ZSCAN16: variants seen among roughly 807,000 people sequenced by gnomAD.
The protein encoded by ZSCAN16 is zinc finger and SCAN domain containing 16.
In ZSCAN16, 15 loss-of-function variants were observed where a neutral mutation model predicts 19.4. That is an observed-to-expected ratio of 0.77 (90% CI 0.52 to 1.19). The LOEUF is 1.19. Among genes scored for constraint, ZSCAN16 ranks in the 50% most tolerant of loss-of-function variants. The pLI is 0.00. For synonymous variants in ZSCAN16, 138 were observed against 146.5 expected, an observed-to-expected ratio of 0.94 and a Z score of 0.42; for missense variants, 327 against 415.7, an observed-to-expected ratio of 0.79 and a Z score of 1.86.
chr6:28,129,531 A>T lies in ZSCAN16; in HGVS notation c.628A>T (p.Thr210Ser). 6.2e-7 allele frequency: 1 copy of T among 1,614,172 alleles called. No individual in the cohort carries two copies. The highest frequency in any genetic ancestry group is 8.5e-7 in the Non-Finnish European group (1 of 1,180,016). Residue 210 changes from threonine to serine, a missense_variant, in exon 4 of 4, where the codon ACT becomes TCT. Thr to Ser is a moderately conservative substitution (Grantham distance 58). Transcript: ENST00000340487. Reference sequence around the variant, plus strand: ...GATAAATGACAGACTGAACAAAGATACTCCTCAGCATCCTAAGTCCAAAGA... The same window carrying T: ...GATAAATGACAGACTGAACAAAGATTCTCCTCAGCATCCTAAGTCCAAAGA... ...GEINDRLNKD[T>S]PQHPKSKDII...
chr6:28,129,217 TCTTC>T (rs1359997698), intron 3 of ZSCAN16, among the ~76,000 whole-genome samples: 4 of 152,250 alleles, frequency 2.6e-5, no homozygotes, highest in African/African-American at 9.6e-5. Context: ...TCTGCTGATA[TCTTC>T]CTTAATTCTT....
At chr6:28,126,461 T>C (rs906943394) in intron 2 of ZSCAN16, among the ~76,000 whole-genome samples, 11 of 152,244 alleles carry the variant, frequency 7.2e-5, no homozygotes, top group Non-Finnish European at 1.6e-4. Context: ...GTGACTACCA[T>C]ATCGGATAGC....
chr6:28,128,589 A>G (rs1243455725), intron 3 of ZSCAN16, among the ~76,000 whole-genome samples: 3 of 152,228 alleles, frequency 2.0e-5, no homozygotes, highest in African/African-American at 7.2e-5. Flanking sequence ...GGTGAAAAAA[A>G]ATAGCATCAG....
intron 1 of ZSCAN16, among the ~76,000 whole-genome samples, chr6:28,124,904 C>T (rs1463898600): frequency 6.6e-6 from 1 of 152,208 alleles, no homozygotes; most frequent in Non-Finnish European, 1.5e-5. Context: ...TCTGTCTGAT[C>T]CCCTTCCAGG....
intron 3 of ZSCAN16, 120 bp from the exon 4 acceptor site, chr6:28,129,310 G>A: frequency 8.1e-7 from 1 of 1,239,632 alleles, no homozygotes. Flanking sequence ...TATGTGTGTT[G>A]TATGTGACTT....
intron 3 of ZSCAN16, 151 bp downstream of exon 3, chr6:28,127,072 A>T (rs1047658531): frequency 4.5e-5 from 29 of 637,928 alleles, no homozygotes; most frequent in Non-Finnish European, 5.4e-5. Context: ...CCCTTGCTCC[A>T]TGATGGAGTT....
chr6:28,125,954 T>G lies in ZSCAN16; in HGVS notation c.387+124T>G. On this transcript the variant is annotated intron_variant, in intron 2 of 3. Coordinates refer to ENST00000340487, the MANE Select transcript of ZSCAN16 (RefSeq NM_025231.3). This position sits in a 1 kb window ranked among gnomAD's most constrained non-coding sequence, Gnocchi z 6.2. ...AAAGAACAAGGCATAGGAAGGGACC[T>G]GACTACCTATGTCAAATAATTAAAG... 1 of 711,010 alleles carries G rather than the reference T, an allele frequency of 1.4e-6. No individual in the cohort carries two copies. Among genetic ancestry groups the G allele is most frequent in the Non-Finnish European group, 2.3e-6 (1 of 438,018 alleles). The allele number at this position is 711,010 out of a possible 1,614,324, so 44.0% of individuals were successfully genotyped here.
chr6:28,126,871 A>G lies in ZSCAN16; in HGVS notation c.476A>G (p.His159Arg). Residue 159 changes from histidine to arginine, a missense_variant, in exon 3 of 4, where the codon CAT (histidine) becomes CGT (arginine). Transcript: ENST00000340487. ...TATGAATCACTGACTGTCCAGCTCC[A>G]TCCCAAAAAGACCCAGCTGGAGCAG... Reference protein sequence around the residue: ...RPYESLTVQLHPKKTQLEQEA... With the variant: ...RPYESLTVQLRPKKTQLEQEA... 1.3e-6 allele frequency: 2 copies of G among 1,586,936 alleles called. No homozygotes were observed. The highest frequency in any genetic ancestry group is 1.7e-6 in the Non-Finnish European group (2 of 1,162,204).
At position 28,126,823 on chromosome 6, in the gene ZSCAN16, A is replaced by C; in HGVS notation, c.428A>C (p.Lys143Thr). 1.3e-6 allele frequency: 2 copies of C among 1,584,888 alleles called. No individual in the cohort carries two copies. The highest frequency in any genetic ancestry group is 1.1e-5 in the South Asian group (1 of 87,396). Residue 143 changes from lysine to threonine, a missense_variant, in exon 3 of 4, where the codon AAG (lysine) becomes ACG (threonine). Lys to Thr is a moderately conservative substitution (Grantham distance 78). Transcript: ENST00000340487. ...NSERRDILMDKLAPLGRPYES... is the reference protein window; with the variant it reads ...NSERRDILMDTLAPLGRPYES... ...GAAAGACGGGACATACTCATGGACA[A>C]GTTGGCCCCCTTGGGAAGGCCATAT...
intron 2 of ZSCAN16, 149 bp from the exon 3 acceptor site, chr6:28,126,634 G>T: frequency 2.0e-6 from 1 of 507,012 alleles, no homozygotes; most frequent in Non-Finnish European, 3.2e-6. Context: ...ATTAGCCTCT[G>T]TTCCTTCTCC....
chr6:28,129,860 C>G lies in ZSCAN16; in HGVS notation c.957C>G (p.Pro319=). Residue 319 remains proline (P), a synonymous_variant, in exon 4 of 4, where the codon CCC becomes CCG. Coordinates refer to ENST00000340487, the MANE Select transcript of ZSCAN16 (RefSeq NM_025231.3). ...AGAGAATCCACACAGGTGAAAAACC[C>G]TATGAATGTGATGAGTGTGGAAGGC... ...QHQRIHTGEK[P]YECDECGRPF... 2 of 1,614,182 alleles carry G rather than the reference C, an allele frequency of 1.2e-6. No individual in the cohort carries two copies.
rs1357455700 is a variant in ZSCAN16 at position 28,125,847 on chromosome 6, A to T, written c.387+17A>T. On this transcript the variant is annotated intron_variant, in intron 2 of 3. Coordinates refer to ENST00000340487, the MANE Select transcript of ZSCAN16 (RefSeq NM_025231.3). The surrounding 1 kb of genome is among the most constrained non-coding windows in gnomAD (Gnocchi z 6.2). The stretch of plus-strand genomic sequence containing the variant: ...GGAAAGCAGGTGTGAAGGGGCAGTC[A>T]TCTGGCTGTGAGTGATCAGGGGATA... The T allele has an allele frequency of 1.9e-6, 3 of 1,570,534 alleles. No individual in the cohort carries two copies. Among genetic ancestry groups the T allele is most frequent in the Non-Finnish European group, 1.7e-6 (2 of 1,155,364 alleles).
chr6:28,130,060 T>A lies in ZSCAN16; in HGVS notation c.*110T>A. On this transcript the variant is annotated 3_prime_UTR_variant, in exon 4 of 4. Transcript: ENST00000340487. ...AATGTGGTCAAAGCTTCAGTCATCATTAAACTTCTCTGGACCAAAGAATCT... is the reference window on the plus strand; with the variant it reads ...AATGTGGTCAAAGCTTCAGTCATCAATAAACTTCTCTGGACCAAAGAATCT... The A allele has an allele frequency of 1.2e-6, 1 of 844,720 alleles. No homozygotes were observed. Among genetic ancestry groups the A allele is most frequent in the Non-Finnish European group, 1.8e-6 (1 of 560,074 alleles). The allele number at this position is 844,720 out of a possible 1,614,324, so 52.3% of individuals were successfully genotyped here.
chr6:28,125,608 C>T lies in ZSCAN16; in HGVS notation c.165C>T (p.Pro55=), dbSNP rs1284205546. ...RKLCYQDAPG[P]REALTQLWEL... The stretch of plus-strand genomic sequence containing the variant: ...TCTGCTATCAGGATGCACCTGGACC[C>T]CGTGAAGCTCTTACCCAGCTGTGGG... The change falls in exon 2 of 4, where the codon CCC becomes CCT. Residue 55 remains proline, a synonymous_variant. Coordinates refer to ENST00000340487, the MANE Select transcript of ZSCAN16 (RefSeq NM_025231.3). This position sits in a 1 kb window ranked among gnomAD's most constrained non-coding sequence, Gnocchi z 6.2. 1.2e-6 allele frequency: 2 copies of T among 1,614,224 alleles called. No individual in the cohort carries two copies. Among genetic ancestry groups the T allele is most frequent in the Admixed American group, 3.3e-5 (2 of 60,030 alleles).
chr6:28,126,219 G>T (rs944845324), intron 2 of ZSCAN16, among the ~76,000 whole-genome samples: 4 of 151,788 alleles, frequency 2.6e-5, no homozygotes, highest in African/African-American at 9.7e-5. Context: ...CTGTCCAACA[G>T]AAATATAATG....
intron 3 of ZSCAN16, among the ~76,000 whole-genome samples, chr6:28,129,122 G>A (rs1255251641): frequency 6.6e-6 from 1 of 151,902 alleles, no homozygotes; most frequent in Non-Finnish European, 1.5e-5. Context: ...TCATTTATCC[G>A]TCTTCCCTTA....
rs1488837247 is a variant in ZSCAN16 at position 28,129,845 on chromosome 6, C to A, written c.942C>A (p.His314Gln). ...RTGLIQHQRI[H>Q]TGEKPYECDE... Reference sequence around the variant, plus strand: ...GTCTTATTCAGCATCAGAGAATCCACACAGGTGAAAAACCCTATGAATGTG... The same window carrying A: ...GTCTTATTCAGCATCAGAGAATCCAAACAGGTGAAAAACCCTATGAATGTG... The change falls in exon 4 of 4, where the codon CAC becomes CAA. Residue 314 changes from histidine to glutamine, a missense_variant. Coordinates refer to ENST00000340487, the MANE Select transcript of ZSCAN16 (RefSeq NM_025231.3). The A allele has an allele frequency of 1.9e-6, 3 of 1,614,180 alleles. No individual in the cohort carries two copies. The highest frequency in any genetic ancestry group is 2.2e-5 in the South Asian group (2 of 91,078).
In ZSCAN16 at chr6:28,129,343, A is replaced by G. The variant is rs187050704; in HGVS notation, c.527-87A>G. On this transcript the variant is annotated intron_variant, in intron 3 of 3. Transcript: ENST00000340487. ...CTTCTCATTATTTTATAACACATTT[A>G]TAACATTTACATGTTCTTTCTTCCA... is the stretch of plus-strand genomic sequence containing the variant. 3.6e-3 allele frequency: 5,370 copies of G among 1,472,708 alleles called. 18 individuals are homozygous for G. The highest frequency in any genetic ancestry group is 7.8e-3 in the Admixed American group (331 of 42,652). 91.2% of individuals were successfully genotyped at this position (1,472,708 alleles called of 1,614,324 possible).
intron 3 of ZSCAN16, among the ~76,000 whole-genome samples, chr6:28,127,252 G>A (rs138913092): frequency 6.7e-4 from 102 of 152,268 alleles, no homozygotes; most frequent in East Asian, 3.3e-3. Flanking sequence ...ATTAGTCAGC[G>A]AGGCCTGTCA....
Sources: allele counts gnomAD v4.1 joint callset (sites outside exome capture counted in the v4.1 genomes callset), GRCh38; gene constraint gnomAD v4.1.1; non-coding constraint Gnocchi (gnomAD v3.1); transcripts MANE v1.5; gene names NCBI Gene and HGNC (gene_info 2026-07-23, HGNC 2026-07-21).